AMMECR1L: variants seen among roughly 807,000 people sequenced by gnomAD.
AMMECR1L encodes the protein AMMECR1 like.
AMMECR1L carries 4 observed loss-of-function variants against 36.8 expected under a neutral mutation model. The ratio of observed to expected loss-of-function variants is 0.11; its 90% confidence interval spans 0.05 to 0.25. AMMECR1L has a LOEUF of 0.25. Ranked by LOEUF, AMMECR1L falls within the 10% of genes least tolerant of loss-of-function variation. AMMECR1L has a pLI of 1.00. For synonymous variants in AMMECR1L, 147 were observed against 148.0 expected, an observed-to-expected ratio of 0.99 and a Z score of 0.05; for missense variants, 232 against 392.1, an observed-to-expected ratio of 0.59 and a Z score of 3.45.
rs1690636011 is a variant in AMMECR1L, at chr2:127,865,312, A to C, written c.822-107T>G. The stretch of plus-strand genomic sequence containing the variant: ...CTTATTCCACATTTTGAAAGAATAA[A>C]ATGGAAGACCAAGAGCAATCTTACT... On this transcript the variant is annotated intron_variant, in intron 7 of 7. Coordinates refer to ENST00000272647, the MANE Select transcript of AMMECR1L (RefSeq NM_001199140.2). The surrounding 1 kb of genome is among the most constrained non-coding windows in gnomAD (Gnocchi z 5.4). The C allele has an allele frequency of 3.2e-6, 2 of 627,672 alleles. No homozygotes were observed. Among genetic ancestry groups the C allele is most frequent in the Non-Finnish European group, 5.3e-6 (2 of 375,546 alleles). 38.9% of individuals were successfully genotyped at this position (627,672 alleles called of 1,614,324 possible). A position where few individuals can be genotyped will look rare whatever the true frequency, so the allele number is the denominator to read the frequency against.
intron 2 of AMMECR1L, among the ~76,000 whole-genome samples, chr2:127,878,936 T>A (rs1318527004): frequency 6.6e-6 from 1 of 152,174 alleles, no homozygotes; most frequent in Non-Finnish European, 1.5e-5. Flanking sequence ...CTATGGGAAA[T>A]TTCAAACATG....
chr2:127,867,709 G>A lies in AMMECR1L; in HGVS notation c.725-713C>T, dbSNP rs375310741. Among the ~76,000 whole-genome samples, 11 of 151,162 alleles carry A rather than the reference G, an allele frequency of 7.3e-5. No individual in the cohort carries two copies. In the East Asian group the frequency reaches 8.0e-4, roughly 11 times the overall value. ...TGCAGTGAGCCAGGATCACACCACCGCACTCCAGCCTGGGTGACAGGAGGA... is the reference window on the plus strand; with the variant it reads ...TGCAGTGAGCCAGGATCACACCACCACACTCCAGCCTGGGTGACAGGAGGA... On this transcript the variant is annotated intron_variant, in intron 6 of 7. Transcript: ENST00000272647.
chr2:127,882,398 T>C (rs184296145), intron 2 of AMMECR1L, among the ~76,000 whole-genome samples: 1 of 152,252 alleles, frequency 6.6e-6, no homozygotes, highest in Non-Finnish European at 1.5e-5. Context: ...AATTACATTA[T>C]GGGTACTGAA....
At chr2:127,882,907 T>A (rs1237729145) in intron 2 of AMMECR1L, among the ~76,000 whole-genome samples, 1 of 150,574 alleles carries the variant, frequency 6.6e-6, no homozygotes, top group African/African-American at 2.4e-5. Context: ...CAGAATTTTT[T>A]TTTTTTTTTT....
intron 2 of AMMECR1L, among the ~76,000 whole-genome samples, chr2:127,877,020 A>AATATATATATATATACATATATATAT (rs1353356322): frequency 6.9e-5 from 10 of 144,938 alleles, no homozygotes; most frequent in East Asian, 4.0e-4. Flanking sequence ...TCTGTCTCCA[A>AATATATATATATATACATATATATAT]ATATATATAT....
chr2:127,876,178 G>C (rs1432844889), intron 2 of AMMECR1L, among the ~76,000 whole-genome samples: 1 of 151,782 alleles, frequency 6.6e-6, no homozygotes, highest in Non-Finnish European at 1.5e-5. Flanking sequence ...GGGAGACCCA[G>C]TCTCTACAAA....
chr2:127,877,492 T>C (rs948401384), intron 2 of AMMECR1L, among the ~76,000 whole-genome samples: 16 of 151,740 alleles, frequency 1.1e-4, no homozygotes, highest in African/African-American at 3.6e-4. Context: ...CGTGCCATCA[T>C]GTCTGGCTAA....
rs1690840543 is a variant in AMMECR1L, at chr2:127,869,132, A to G, written c.724+322T>C. On this transcript the variant is annotated intron_variant, in intron 6 of 7. Coordinates refer to ENST00000272647, the MANE Select transcript of AMMECR1L (RefSeq NM_001199140.2). This position sits in a 1 kb window ranked among gnomAD's most constrained non-coding sequence, Gnocchi z 4.7. ...AGTTCGGTACCTACTGAATTCTACA[A>G]TATGGTCAGGTTGATTGGTGGTATT... Among the ~76,000 whole-genome samples the G allele has an allele frequency of 6.6e-6, 1 of 152,184 alleles. No individual in the cohort carries two copies. The highest frequency in any genetic ancestry group is 2.1e-4 in the South Asian group (1 of 4,832).
At position 127,869,414 on chromosome 2, in the gene AMMECR1L, G is replaced by A; in HGVS notation, c.724+40C>T. 1.3e-6 allele frequency: 2 copies of A among 1,562,998 alleles called. No homozygotes were observed. The highest frequency in any genetic ancestry group is 4.5e-5 in the East Asian group (2 of 44,614). On this transcript the variant is annotated intron_variant, in intron 6 of 7. Coordinates refer to ENST00000272647, the MANE Select transcript of AMMECR1L (RefSeq NM_001199140.2). The surrounding 1 kb of genome is among the most constrained non-coding windows in gnomAD (Gnocchi z 4.7). Reference sequence around the variant, plus strand: ...CTTGCCCTTTAACTGGCACCACTGTGAATGATACTTGTCATTAAAATCCCA... The same window carrying A: ...CTTGCCCTTTAACTGGCACCACTGTAAATGATACTTGTCATTAAAATCCCA...
At chr2:127,882,740 T>C (rs1217913523) in intron 2 of AMMECR1L, among the ~76,000 whole-genome samples, 2 of 149,942 alleles carry the variant, frequency 1.3e-5, no homozygotes, top group African/African-American at 4.9e-5. Flanking sequence ...ACCACCGCCA[T>C]GCACCACCAC....
intron 1 of AMMECR1L, 162 bp downstream of exon 1, chr2:127,885,648 C>A (rs1445694448): frequency 4.1e-6 from 4 of 984,168 alleles, no homozygotes; most frequent in Non-Finnish European, 4.8e-6. Context: ...GGGACTCCTC[C>A]CCCCCGCTGC....
At chr2:127,880,464 A>C (rs1691440536) in intron 2 of AMMECR1L, among the ~76,000 whole-genome samples, 1 of 152,144 alleles carries the variant, frequency 6.6e-6, no homozygotes, top group Non-Finnish European at 1.5e-5. Flanking sequence ...CTTAGTGCTT[A>C]AAGTCACCAG....
chr2:127,867,132 G>C (rs1278927672), intron 6 of AMMECR1L, 136 bp from the exon 7 acceptor site: 2 of 1,488,426 alleles, frequency 1.3e-6, no homozygotes, highest in African/African-American at 2.8e-5. Flanking sequence ...CCTGGGCACT[G>C]ACCCCCACGT....
chr2:127,877,625 C>T (rs1239463104), intron 2 of AMMECR1L, among the ~76,000 whole-genome samples: 9 of 152,268 alleles, frequency 5.9e-5, no homozygotes, highest in South Asian at 2.1e-4. Flanking sequence ...CATGAGCCAC[C>T]GCACCTGGGC....
rs1246724202 is a variant in AMMECR1L at position 127,863,156 on chromosome 2, C to T, written c.*1938G>A. ...TGTTGTACAAATTGGAGGTGGGTGG[C>T]TTAGTCCAGAGCTGACCACCCTGAC... On this transcript the variant is annotated 3_prime_UTR_variant, in exon 8 of 8. Coordinates refer to ENST00000272647, the MANE Select transcript of AMMECR1L (RefSeq NM_001199140.2). 6.6e-6 allele frequency: 1 copy of T among 152,474 alleles called. No individual in the cohort carries two copies. Among genetic ancestry groups the T allele is most frequent in the African/African-American group, 2.4e-5 (1 of 41,406 alleles). 9.4% of individuals were successfully genotyped at this position (152,474 alleles called of 1,614,324 possible). A position where few individuals can be genotyped will look rare whatever the true frequency, so the allele number is the denominator to read the frequency against.
Position 127,874,370 on chromosome 2 carries a change from C to T in AMMECR1L, c.-38-98G>A. 8.6e-7 allele frequency: 1 copy of T among 1,168,802 alleles called. No individual in the cohort carries two copies. Among genetic ancestry groups the T allele is most frequent in the Non-Finnish European group, 1.2e-6 (1 of 848,434 alleles). The allele number at this position is 1,168,802 out of a possible 1,614,324, so 72.4% of individuals were successfully genotyped here. A position where few individuals can be genotyped will look rare whatever the true frequency, so the allele number is the denominator to read the frequency against. On this transcript the variant is annotated intron_variant, in intron 2 of 7. Transcript: ENST00000272647. The surrounding 1 kb of genome is among the most constrained non-coding windows in gnomAD (Gnocchi z 5.2). The stretch of plus-strand genomic sequence containing the variant: ...AGAGTCTGCATTGACCAGCTAAGAG[C>T]TGTCAAATTCTTTCTCCCACTCAAC...
At chr2:127,885,316 G>A (rs1303914138) in intron 1 of AMMECR1L, 4 of 984,790 alleles carry the variant, frequency 4.1e-6, no homozygotes, top group Non-Finnish European at 4.8e-6. Flanking sequence ...GAGGAAAGAG[G>A]GTCCGGGGCG....
In AMMECR1L at chr2:127,867,352, AAG is replaced by A. The variant is rs1475430058; in HGVS notation, c.725-358_725-357del. On this transcript the variant is annotated intron_variant, in intron 6 of 7. Coordinates refer to ENST00000272647, the MANE Select transcript of AMMECR1L (RefSeq NM_001199140.2). The stretch of plus-strand genomic sequence containing the variant: ...CTGGTACCCAAGGCTGCTCTGTGGG[AAG>A]AGAGGAATTTAAATTCTGCAACTTA... The A allele has an allele frequency of 5.2e-6, 5 of 966,414 alleles. No homozygotes were observed. In the African/African-American group the frequency reaches 8.8e-5, roughly 17 times the overall value. The allele number at this position is 966,414 out of a possible 1,614,324, so 59.9% of individuals were successfully genotyped here. A position where few individuals can be genotyped will look rare whatever the true frequency, so the allele number is the denominator to read the frequency against.
Position 127,873,464 on chromosome 2 carries a change from C to T in AMMECR1L, c.407+364G>A. 1.0e-6 allele frequency: 1 copy of T among 985,470 alleles called. No homozygotes were observed. Among genetic ancestry groups the T allele is most frequent in the African/African-American group, 1.7e-5 (1 of 57,384 alleles). The allele number at this position is 985,470 out of a possible 1,614,324, so 61.0% of individuals were successfully genotyped here. A position where few individuals can be genotyped will look rare whatever the true frequency, so the allele number is the denominator to read the frequency against. On this transcript the variant is annotated intron_variant, in intron 3 of 7. Coordinates refer to ENST00000272647, the MANE Select transcript of AMMECR1L (RefSeq NM_001199140.2). The surrounding 1 kb of genome is among the most constrained non-coding windows in gnomAD (Gnocchi z 5.2). The stretch of plus-strand genomic sequence containing the variant: ...TCCAGCCTGGCCCTCAGACTTCCAA[C>T]TCACCTGGACTTCAACACTATGGGT...
Sources: gnomAD v4.1 joint callset for allele counts (sites outside exome capture counted in the v4.1 genomes callset) on GRCh38, gnomAD v4.1.1 for gene constraint, Gnocchi (gnomAD v3.1) non-coding constraint, MANE v1.5 for transcripts, NCBI Gene and HGNC (gene_info 2026-07-23, HGNC 2026-07-21) for gene names.